The following PIP4K2A variants were observed in gnomAD, a reference collection of about 807,000 sequenced individuals.
PIP4K2A encodes the protein phosphatidylinositol-5-phosphate 4-kinase type 2 alpha.
Under a neutral mutation model 42.9 loss-of-function variants are expected in PIP4K2A, and 14 were observed. That is an observed-to-expected ratio of 0.33 (90% CI 0.22 to 0.51). The LOEUF is 0.51. Ranked by LOEUF, PIP4K2A falls within the 20% of genes least tolerant of loss-of-function variation. The pLI is 0.97. For missense variants in PIP4K2A, 434 were observed against 519.8 expected (o/e 0.83, Z 1.61); for synonymous variants, 192 against 192.2 (o/e 1.00, Z 0.01).
intron 1 of PIP4K2A, among the ~76,000 whole-genome samples, chr10:22,664,914 C>A (rs1839319607): frequency 6.6e-6 from 1 of 152,024 alleles, no homozygotes; most frequent in African/African-American, 2.4e-5. Context: ...TTGTCCCCCA[C>A]TCCATGAAAA....
At chr10:22,550,373 C>T (rs972095515) in intron 7 of PIP4K2A, among the ~76,000 whole-genome samples, 6 of 152,212 alleles carry the variant, frequency 3.9e-5, no homozygotes, top group Admixed American at 1.3e-4. Context: ...TCTTCATGGG[C>T]CATCCCAATA....
At chr10:22,584,314 T>G (rs557152002) in intron 4 of PIP4K2A, among the ~76,000 whole-genome samples, 1 of 55,236 alleles carries the variant, frequency 1.8e-5, no homozygotes, top group Non-Finnish European at 3.2e-5. Context: ...AAGATAATTG[T>G]TGAAATTAAA....
chr10:22,583,464 G>A (rs895292561), intron 4 of PIP4K2A, among the ~76,000 whole-genome samples: 1 of 152,318 alleles, frequency 6.6e-6, no homozygotes, highest in South Asian at 2.1e-4. Context: ...GAGCATGTGA[G>A]GAGCTGGGAT....
intron 1 of PIP4K2A, among the ~76,000 whole-genome samples, chr10:22,667,139 A>G (rs531043491): frequency 3.3e-5 from 5 of 152,364 alleles, no homozygotes; most frequent in African/African-American, 1.2e-4. Context: ...TGCCCTGATC[A>G]TGTAAAATGC....
intron 1 of PIP4K2A, among the ~76,000 whole-genome samples, chr10:22,644,424 C>T (rs1343845830): frequency 3.3e-5 from 5 of 152,198 alleles, no homozygotes; most frequent in Non-Finnish European, 5.9e-5. Context: ...GCATCCTATG[C>T]AGAACATCAA....
At chr10:22,688,133 A>C (rs540335302) in intron 1 of PIP4K2A, among the ~76,000 whole-genome samples, 1 of 152,376 alleles carries the variant, frequency 6.6e-6, no homozygotes, top group East Asian at 1.9e-4. Flanking sequence ...TATTCAGTTC[A>C]CATTTTATTA....
At chr10:22,671,319 G>A (rs181970464) in intron 1 of PIP4K2A, among the ~76,000 whole-genome samples, 24 of 152,296 alleles carry the variant, frequency 1.6e-4, no homozygotes, top group African/African-American at 5.8e-4. Context: ...GACCTGGTAA[G>A]CCTAAACTAC....
intron 1 of PIP4K2A, among the ~76,000 whole-genome samples, chr10:22,683,229 T>C (rs2130883769): frequency 6.6e-6 from 1 of 152,326 alleles, no homozygotes; most frequent in South Asian, 2.1e-4. Context: ...GCTCTCTGAC[T>C]CAACTCTTAT....
In PIP4K2A at chr10:22,614,054, G is replaced by C. The variant is rs1029828118; in HGVS notation, c.145-4337C>G. On this transcript the variant is annotated intron_variant, in intron 1 of 9. Coordinates refer to ENST00000376573, the MANE Select transcript of PIP4K2A (RefSeq NM_005028.5). ...GCACAGAGCAGGAGCCCGTGGTCAC[G>C]GGTGTGGGTGACGGGCTTCTTGGAA... 5.3e-5 allele frequency among the ~76,000 whole-genome samples: 8 copies of C among 152,212 alleles called. No individual in the cohort carries two copies. The South Asian group carries it at 6.2e-4, about 12-fold the overall frequency.
intron 1 of PIP4K2A, among the ~76,000 whole-genome samples, chr10:22,647,458 C>G (rs1228185314): frequency 6.6e-6 from 1 of 151,746 alleles, no homozygotes; most frequent in Non-Finnish European, 1.5e-5. Flanking sequence ...GTGAAAGGAC[C>G]GAGGTGGAGA....
At chr10:22,689,634 G>A (rs183686204) in intron 1 of PIP4K2A, among the ~76,000 whole-genome samples, 23 of 152,230 alleles carry the variant, frequency 1.5e-4, no homozygotes, top group African/African-American at 5.5e-4. Context: ...TTTGGTATGG[G>A]GAGTGGTCCT....
At chr10:22,621,918 T>A (rs370723792) in intron 1 of PIP4K2A, among the ~76,000 whole-genome samples, 13 of 152,214 alleles carry the variant, frequency 8.5e-5, no homozygotes, top group African/African-American at 2.4e-4. Context: ...CCTGCTTTCC[T>A]GCCCAGCATC....
At chr10:22,704,334 T>C (rs1833770862) in intron 1 of PIP4K2A, among the ~76,000 whole-genome samples, 1 of 152,048 alleles carries the variant, frequency 6.6e-6, no homozygotes, top group Non-Finnish European at 1.5e-5. Context: ...ATGTTAGCAC[T>C]GCCAGTGATG....
intron 1 of PIP4K2A, chr10:22,693,860 G>C (rs1839920156): frequency 6.6e-6 from 1 of 152,084 alleles, no homozygotes; most frequent in South Asian, 2.1e-4. Flanking sequence ...GATGGGTTAT[G>C]ATTTTTTTTA....
At chr10:22,562,706 G>A (rs549286857) in intron 6 of PIP4K2A, among the ~76,000 whole-genome samples, 11 of 152,284 alleles carry the variant, frequency 7.2e-5, no homozygotes, top group East Asian at 3.9e-4. Flanking sequence ...CCCTGGGTTC[G>A]TTCTAGACGT....
rs1190048776 is a variant in PIP4K2A, at chr10:22,541,468, CAT to C, written c.1036+334_1036+335del. Among the ~76,000 whole-genome samples, 27 of 152,280 alleles carry C rather than the reference CAT, an allele frequency of 1.8e-4. 1 individual carries two copies. The highest frequency in any genetic ancestry group is 6.5e-4 in the African/African-American group (27 of 41,568). On this transcript the variant is annotated intron_variant, in intron 8 of 9. Transcript: ENST00000376573. ...TGTTATTTGTGAACATGTATGTGTG[CAT>C]ATGTACATGCATGTTGTGTTGTGTG...
At chr10:22,574,746 T>C (rs886397514) in intron 4 of PIP4K2A, among the ~76,000 whole-genome samples, 4 of 152,226 alleles carry the variant, frequency 2.6e-5, no homozygotes, top group Non-Finnish European at 2.9e-5. Context: ...AGTTTCACCT[T>C]GTTATTTGAA....
At chr10:22,637,692 C>G (rs1298568313) in intron 1 of PIP4K2A, among the ~76,000 whole-genome samples, 3 of 152,154 alleles carry the variant, frequency 2.0e-5, no homozygotes, top group Non-Finnish European at 4.4e-5. Flanking sequence ...GTGCACCGGC[C>G]AAAAGGCTGC....
At chr10:22,707,617 C>A (rs376440901) in intron 1 of PIP4K2A, among the ~76,000 whole-genome samples, 1 of 152,090 alleles carries the variant, frequency 6.6e-6, no homozygotes, top group African/African-American at 2.4e-5. Flanking sequence ...ATGAATGATT[C>A]CTGAGCTTGG....
Sources: gnomAD v4.1 joint callset for allele counts (sites outside exome capture counted in the v4.1 genomes callset) on GRCh38, gnomAD v4.1.1 for gene constraint, MANE v1.5 for transcripts, NCBI Gene and HGNC (gene_info 2026-07-23, HGNC 2026-07-21) for gene names.